The following HNRNPA3 variants were observed in gnomAD, a reference collection of about 807,000 sequenced individuals.
The protein encoded by HNRNPA3 is heterogeneous nuclear ribonucleoprotein A3.
In HNRNPA3, 3 loss-of-function variants were observed where a neutral mutation model predicts 45.8. The observed-to-expected ratio is 0.07, with a 90% confidence interval of 0.03 to 0.17. The LOEUF (loss-of-function observed/expected upper bound fraction) is 0.17, where lower values mean the gene tolerates loss of function less well. Ranked by LOEUF, HNRNPA3 falls within the 10% of genes least tolerant of loss-of-function variation. The pLI is 1.00. For synonymous variants in HNRNPA3, 170 were observed against 155.6 expected, an observed-to-expected ratio of 1.09 and a Z score of -0.69; for missense variants, 183 against 480.3, an observed-to-expected ratio of 0.38 and a Z score of 5.79.
exon 2 of HNRNPA3, chr2:177,215,613 T>C (rs1471447558): frequency 6.2e-7 from 1 of 1,613,758 alleles, no homozygotes; most frequent in African/African-American, 1.3e-5. Context: ...CTACAGATGA[T>C]AGTTTACGAG....
intron 1 of HNRNPA3, among the ~76,000 whole-genome samples, chr2:177,213,228 A>T (rs911188521): frequency 2.6e-5 from 4 of 152,200 alleles, no homozygotes; most frequent in Non-Finnish European, 4.4e-5. Flanking sequence ...ACGAGCAGGC[A>T]CATCCGGGCG....
exon 6 of HNRNPA3, chr2:177,216,691 C>T: frequency 6.2e-7 from 1 of 1,614,148 alleles, no homozygotes. Context: ...GGAGGTGGAT[C>T]TGGCAATTTT....
chr2:177,220,593 A>G (rs1558972189), downstream of HNRNPA3: 1 of 152,762 alleles, frequency 6.5e-6, no homozygotes, highest in Admixed American at 6.5e-5. Context: ...AACCAAGGAT[A>G]GTTCAGGTAT....
At chr2:177,218,903 A>G in intron 8 of HNRNPA3, 134 bp from the exon 9 acceptor site, 1 of 1,027,690 alleles carries the variant, frequency 9.7e-7, no homozygotes, top group Non-Finnish European at 1.4e-6. Flanking sequence ...GACATCAGTT[A>G]CCCCAAGTGG....
rs756127839 is a variant in HNRNPA3, at chr2:177,216,621, T to C, written c.643+29T>C. On this transcript the variant is annotated intron_variant, in intron 5 of 10. Coordinates refer to ENST00000392524, the Ensembl canonical transcript of HNRNPA3. ...AGTAGGACCATACACATGTATACAG[T>C]GGATATGAGTGGTGTTTGTAAGGTT... The C allele has an allele frequency of 6.2e-6, 10 of 1,611,364 alleles. No homozygotes were observed. The East Asian group carries it at 2.2e-4, about 36-fold the overall frequency.
exon 3 of HNRNPA3, chr2:177,215,782 G>A (rs1308527642): frequency 1.9e-6 from 3 of 1,608,934 alleles, no homozygotes; most frequent in African/African-American, 2.7e-5. Context: ...AACGTTCCAG[G>A]GGCTTTGGTT....
downstream of HNRNPA3, chr2:177,220,730 G>T (rs1471251930): frequency 6.6e-6 from 1 of 152,574 alleles, no homozygotes; most frequent in Non-Finnish European, 1.5e-5. Context: ...AGAACACACT[G>T]TTATTTCTTG....
chr2:177,216,656 C>T lies in HNRNPA3; in HGVS notation c.644-20C>T. On this transcript the variant is annotated intron_variant, in intron 5 of 10. Transcript: ENST00000392524. ...TGGTGTTTGTAAGGTTCTTAAAAATCTCCCTTGCCTGTATTAAAGGTCGTG... is the reference window on the plus strand; with the variant it reads ...TGGTGTTTGTAAGGTTCTTAAAAATTTCCCTTGCCTGTATTAAAGGTCGTG... 3 of 1,613,784 alleles carry T rather than the reference C, an allele frequency of 1.9e-6. No individual in the cohort carries two copies. Among genetic ancestry groups the T allele is most frequent in the East Asian group, 2.2e-5 (1 of 44,884 alleles).
In HNRNPA3 at chr2:177,219,229, T is replaced by C. The variant is rs2105436611; in HGVS notation, c.1085-18T>C. Reference sequence around the variant, plus strand: ...AAAAATGTGCATACTTCTTTTAAAATACTATGTATATTTTCAGGTGGTTAT... The same window carrying C: ...AAAAATGTGCATACTTCTTTTAAAACACTATGTATATTTTCAGGTGGTTAT... On this transcript the variant is annotated intron_variant, in intron 9 of 10. Coordinates refer to ENST00000392524, the Ensembl canonical transcript of HNRNPA3. 1 of 1,612,470 alleles carries C rather than the reference T, an allele frequency of 6.2e-7. No homozygotes were observed. The highest frequency in any genetic ancestry group is 2.2e-5 in the East Asian group (1 of 44,874).
At chr2:177,213,000 G>A (rs1030287778) in intron 1 of HNRNPA3, 129 bp downstream of exon 1, 3 of 563,060 alleles carry the variant, frequency 5.3e-6, no homozygotes, top group Non-Finnish European at 8.7e-6. Flanking sequence ...GCTGTGGGAG[G>A]GGGAGGGGAG....
chr2:177,219,586 C>T (rs957079510), exon 11 of HNRNPA3: 10 of 315,658 alleles, frequency 3.2e-5, no homozygotes, highest in Admixed American at 9.1e-5. Context: ...TCAGGACTGT[C>T]ATAGCCACAG....
intron 1 of HNRNPA3, 100 bp downstream of exon 1, chr2:177,212,971 C>T (rs2105421892): frequency 1.3e-6 from 1 of 770,472 alleles, no homozygotes; most frequent in African/African-American, 1.8e-5. Context: ...GGCCGTCCCG[C>T]GCTCTTGCGT....
At chr2:177,214,475 T>C (rs1267322036) in intron 1 of HNRNPA3, among the ~76,000 whole-genome samples, 2 of 152,238 alleles carry the variant, frequency 1.3e-5, no homozygotes, top group South Asian at 2.1e-4. Context: ...TCAGAACTTT[T>C]AGATTGTTCT....
chr2:177,222,332 A>AT (rs1230360156), downstream of HNRNPA3: 2 of 152,226 alleles, frequency 1.3e-5, no homozygotes, highest in Non-Finnish European at 2.9e-5. Context: ...ATAAGTATTC[A>AT]TATCAAGTCA....
rs774498602 is a variant in HNRNPA3, at chr2:177,216,840, C to T, written c.740-20C>T. The T allele has an allele frequency of 1.1e-5, 18 of 1,612,472 alleles. No individual in the cohort carries two copies. The highest frequency in any genetic ancestry group is 8.9e-5 in the East Asian group (4 of 44,874). ...GTAAGTTGAATATATTATTTTAATT[C>T]ATTTCTTGTTTTTCCTCAGGAGGCT... On this transcript the variant is annotated intron_variant, in intron 6 of 10. Transcript: ENST00000392524.
At chr2:177,214,429 T>C (rs1197064559) in intron 1 of HNRNPA3, among the ~76,000 whole-genome samples, 1 of 152,232 alleles carries the variant, frequency 6.6e-6, no homozygotes, top group Admixed American at 6.5e-5. Flanking sequence ...TTAAATTAAT[T>C]TGCTTGAAAG....
At chr2:177,216,433 G>T in intron 4 of HNRNPA3, 70 bp from the exon 5 acceptor site, 1 of 1,074,000 alleles carries the variant, frequency 9.3e-7, no homozygotes, top group Non-Finnish European at 1.4e-6. Context: ...AATGACAGAG[G>T]GTATCTCATA....
At chr2:177,221,878 A>T (rs976729797), downstream of HNRNPA3, 1 of 152,698 alleles carries the variant, frequency 6.5e-6, no homozygotes, top group African/African-American at 2.4e-5. Context: ...AAAGTCTAGC[A>T]GGAAGGAGCT....
exon 7 of HNRNPA3, chr2:177,216,891 A>C: frequency 6.2e-7 from 1 of 1,602,712 alleles, no homozygotes; most frequent in Non-Finnish European, 8.5e-7. Flanking sequence ...GTGGCAGCAG[A>C]GGTAGTTATG....
Sources: gnomAD v4.1 joint callset for allele counts (sites outside exome capture counted in the v4.1 genomes callset) on GRCh38, gnomAD v4.1.1 for gene constraint, MANE v1.5 for transcripts, NCBI Gene and HGNC (gene_info 2026-07-23, HGNC 2026-07-21) for gene names.